The following CORO2B variants were observed in gnomAD, a reference collection of about 807,000 sequenced individuals.
CORO2B encodes the protein coronin-2B.
CORO2B carries 26 observed loss-of-function variants against 58.8 expected under a neutral mutation model. The observed-to-expected ratio is 0.44, with a 90% CI of 0.32 to 0.61. The LOEUF (loss-of-function observed/expected upper bound fraction) is 0.61. Ranked by LOEUF, CORO2B falls within the 20% of genes least tolerant of loss-of-function variation. The pLI is 0.04. For synonymous variants in CORO2B, 242 were observed against 253.8 expected (o/e 0.95, Z 0.44); for missense variants, 460 against 645.1 (o/e 0.71, Z 3.11).
chr15:68,596,453 G>A (rs1423441981), intron 1 of CORO2B, among the ~76,000 whole-genome samples: 1 of 152,146 alleles, frequency 6.6e-6, no homozygotes, highest in African/African-American at 2.4e-5. Context: ...GGCTGAGAGA[G>A]AAGCAATTTT....
intron 2 of CORO2B, among the ~76,000 whole-genome samples, chr15:68,670,891 T>C (rs1480006072): frequency 1.3e-5 from 2 of 152,238 alleles, no homozygotes; most frequent in Non-Finnish European, 2.9e-5. Context: ...GAAAGGCATC[T>C]TAAAATTCAT....
In CORO2B at chr15:68,718,830, G is replaced by T; in HGVS notation, c.1080+20G>T. ...CGGAGGGTAAGTGGGGCTGGGCTGG[G>T]CTCCAGGAGGGGGGCCTGCATCGCC... On this transcript the variant is annotated intron_variant, in intron 9 of 11. Transcript: ENST00000261861. The T allele has an allele frequency of 1.3e-6, 2 of 1,592,312 alleles. No homozygotes were observed. Among genetic ancestry groups the T allele is most frequent in the Non-Finnish European group, 1.7e-6 (2 of 1,160,960 alleles).
At chr15:68,576,958 T>C (rs1050324303), upstream of CORO2B, among the ~76,000 whole-genome samples, 1 of 152,070 alleles carries the variant, frequency 6.6e-6, no homozygotes, top group Non-Finnish European at 1.5e-5. Context: ...GGAGAGCCAT[T>C]GGGCTGGAGT....
At chr15:68,549,962 A>AAATAAAT in the CORO2B span, among the ~76,000 whole-genome samples, 1 of 147,756 alleles carries the variant, frequency 6.8e-6, no homozygotes, top group Admixed American at 6.6e-5. Context: ...TAAAATAAAT[A>AAATAAAT]AATAAATAAA....
At chr15:68,552,468 G>A in the CORO2B span, among the ~76,000 whole-genome samples, 5 of 139,492 alleles carry the variant, frequency 3.6e-5, no homozygotes, top group Non-Finnish European at 6.3e-5. Flanking sequence ...ATAGGAGGAC[G>A]CGGGGGGGTG....
At chr15:68,637,592 C>T (rs1028176288) in intron 1 of CORO2B, among the ~76,000 whole-genome samples, 2 of 152,288 alleles carry the variant, frequency 1.3e-5, no homozygotes, top group African/African-American at 2.4e-5. Flanking sequence ...AGAAGGAAGG[C>T]GGCTTGTCCC....
Position 68,714,005 on chromosome 15 carries a change from C to T in CORO2B, c.729C>T (p.Ser243=). The T allele has an allele frequency of 3.1e-6, 5 of 1,614,044 alleles. No homozygotes were observed. The highest frequency in any genetic ancestry group is 4.2e-6 in the Non-Finnish European group (5 of 1,179,930). ...AGCGGCTCCTCACGACAGGGGTCTC[C>T]AGGTGGAACACAAGACAGATTGCCC... The part of the protein sequence containing the change: ...NMKRLLTTGV[S]RWNTRQIALW... Residue 243 remains serine, a synonymous_variant, in exon 6 of 12, where the codon TCC becomes TCT. Coordinates refer to ENST00000261861, the MANE Select transcript of CORO2B (RefSeq NM_006091.5).
intron 3 of CORO2B, among the ~76,000 whole-genome samples, chr15:68,699,626 C>T (rs373730983): frequency 6.6e-6 from 1 of 152,274 alleles, no homozygotes; most frequent in Non-Finnish European, 1.5e-5. Flanking sequence ...AGCCCTGAAC[C>T]GCATCTTACC....
At chr15:68,697,764 G>A (rs1034750307) in intron 3 of CORO2B, among the ~76,000 whole-genome samples, 1 of 152,214 alleles carries the variant, frequency 6.6e-6, no homozygotes, top group Non-Finnish European at 1.5e-5. Context: ...GACACAGAGA[G>A]TTCACCGGTT....
chr15:68,707,771 G>C (rs1395460941), intron 3 of CORO2B, among the ~76,000 whole-genome samples: 1 of 152,146 alleles, frequency 6.6e-6, no homozygotes, highest in Non-Finnish European at 1.5e-5. Flanking sequence ...GTACATTTGG[G>C]GACAGAAGGA....
chr15:68,550,425 A>T, the CORO2B span, among the ~76,000 whole-genome samples: 1 of 152,308 alleles, frequency 6.6e-6, no homozygotes, highest in East Asian at 1.9e-4. Context: ...GAATGACTGC[A>T]CTGAATTTCA....
intron 2 of CORO2B, among the ~76,000 whole-genome samples, chr15:68,648,070 C>T (rs71402282): frequency 0.16 from 23,074 of 147,532 alleles, 2,316 homozygotes; most frequent in Non-Finnish European, 0.21. Context: ...TGGTGGCTCA[C>T]GCCTATAATC....
At chr15:68,632,711 C>A (rs1251724378) in intron 1 of CORO2B, among the ~76,000 whole-genome samples, 1 of 152,240 alleles carries the variant, frequency 6.6e-6, no homozygotes, top group African/African-American at 2.4e-5. Context: ...GTACCTCAGC[C>A]TCCTGAGTAG....
intron 1 of CORO2B, among the ~76,000 whole-genome samples, chr15:68,604,168 C>T (rs1263277929): frequency 1.3e-5 from 2 of 152,298 alleles, no homozygotes; most frequent in South Asian, 4.2e-4. Flanking sequence ...GTTCTTATCA[C>T]GTTCGCTTGT....
intron 1 of CORO2B, among the ~76,000 whole-genome samples, chr15:68,603,292 C>T (rs73442221): frequency 0.073 from 11,029 of 152,104 alleles, 1,359 homozygotes; most frequent in African/African-American, 0.25. Flanking sequence ...AATGAATGAA[C>T]GAGTGGATGG....
chr15:68,532,037 A>C, the CORO2B span, among the ~76,000 whole-genome samples: 22 of 152,152 alleles, frequency 1.4e-4, no homozygotes, highest in East Asian at 4.2e-3. Context: ...GTGGTATTTT[A>C]ATCTATTTTC....
At chr15:68,658,646 T>C (rs1901909988) in intron 2 of CORO2B, among the ~76,000 whole-genome samples, 1 of 152,252 alleles carries the variant, frequency 6.6e-6, no homozygotes, top group Non-Finnish European at 1.5e-5. Context: ...TTGGGCAAGT[T>C]ACTTAACCTC....
intron 2 of CORO2B, among the ~76,000 whole-genome samples, chr15:68,659,807 G>A (rs1043459471): frequency 9.2e-5 from 14 of 152,062 alleles, no homozygotes; most frequent in Admixed American, 7.9e-4. Flanking sequence ...GGTGGTGCAC[G>A]CCTGTAGTCC....
intron 1 of CORO2B, among the ~76,000 whole-genome samples, chr15:68,599,467 G>A (rs1388416975): frequency 6.6e-6 from 1 of 152,220 alleles, no homozygotes; most frequent in Non-Finnish European, 1.5e-5. Flanking sequence ...TTCTGTGCAT[G>A]CGTCATAGCT....
Sources: gnomAD v4.1 joint callset for allele counts (sites outside exome capture counted in the v4.1 genomes callset) on GRCh38, gnomAD v4.1.1 for gene constraint, MANE v1.5 for transcripts, NCBI Gene and HGNC (gene_info 2026-07-23, HGNC 2026-07-21) for gene names.